CAMTA1: variants seen among roughly 807,000 people sequenced by gnomAD.
The protein encoded by CAMTA1 is calmodulin-binding transcription activator 1.
CAMTA1 carries 27 observed loss-of-function variants against 170.9 expected under a neutral mutation model. That is an observed-to-expected ratio of 0.16 (90% CI 0.12 to 0.22). The LOEUF (loss-of-function observed/expected upper bound fraction) is 0.22, where lower values mean the gene tolerates loss of function less well. Ranked by LOEUF, CAMTA1 falls within the 10% of genes least tolerant of loss-of-function variation. The pLI is 1.00. For missense variants in CAMTA1, 1,619 were observed against 2,217.2 expected (o/e 0.73, Z 5.42); for synonymous variants, 833 against 891.5 (o/e 0.93, Z 1.17).
chr1:6,807,742 T>A (rs1413064683), intron 1 of CAMTA1, among the ~76,000 whole-genome samples: 1 of 151,898 alleles, frequency 6.6e-6, no homozygotes, highest in African/African-American at 2.4e-5. Flanking sequence ...AAAAAATTAT[T>A]TCTTTGTGAC....
At chr1:7,373,834 A>C (rs1574985308) in intron 5 of CAMTA1, among the ~76,000 whole-genome samples, 1 of 152,286 alleles carries the variant, frequency 6.6e-6, no homozygotes, top group East Asian at 1.9e-4. Flanking sequence ...ACTGTTGATA[A>C]AAGGCAGCAT....
intron 4 of CAMTA1, among the ~76,000 whole-genome samples, chr1:7,118,338 G>A (rs1644456014): frequency 6.7e-6 from 1 of 148,220 alleles, no homozygotes; most frequent in Non-Finnish European, 1.5e-5. Flanking sequence ...TGCCACCCAG[G>A]CTGGAGTGCA....
intron 6 of CAMTA1, among the ~76,000 whole-genome samples, chr1:7,597,865 A>G (rs931971039): frequency 1.3e-5 from 2 of 151,974 alleles, no homozygotes; most frequent in African/African-American, 4.8e-5. Flanking sequence ...ATACATGTGC[A>G]GAATGTGCAG....
At chr1:7,527,151 C>T (rs2094441049) in intron 6 of CAMTA1, among the ~76,000 whole-genome samples, 1 of 152,172 alleles carries the variant, frequency 6.6e-6, no homozygotes, top group South Asian at 2.1e-4. Context: ...ACTGTAGCCA[C>T]CATGATCAGC....
At chr1:7,316,892 G>T (rs760962669) in intron 5 of CAMTA1, among the ~76,000 whole-genome samples, 1 of 152,218 alleles carries the variant, frequency 6.6e-6, no homozygotes, top group Non-Finnish European at 1.5e-5. Context: ...CCATACAAAT[G>T]GGGTACAGCA....
intron 11 of CAMTA1, among the ~76,000 whole-genome samples, chr1:7,699,126 C>T (rs1405122818): frequency 6.6e-6 from 1 of 152,212 alleles, no homozygotes; most frequent in African/African-American, 2.4e-5. Flanking sequence ...ATTATTGAGA[C>T]ATAATTAACA....
chr1:7,430,524 C>T (rs1436958047), intron 5 of CAMTA1, among the ~76,000 whole-genome samples: 1 of 151,686 alleles, frequency 6.6e-6, no homozygotes, highest in Non-Finnish European at 1.5e-5. Flanking sequence ...GGTGGTGAAC[C>T]TGCTGCCGAT....
At chr1:7,691,386 C>G (rs1303524102) in intron 11 of CAMTA1, among the ~76,000 whole-genome samples, 1 of 152,164 alleles carries the variant, frequency 6.6e-6, no homozygotes, top group Non-Finnish European at 1.5e-5. Context: ...AGGAAAGCCA[C>G]TGAGGGCTCG....
intron 3 of CAMTA1, among the ~76,000 whole-genome samples, chr1:7,059,615 G>A (rs1707901597): frequency 6.6e-6 from 1 of 152,066 alleles, no homozygotes; most frequent in African/African-American, 2.4e-5. Context: ...GCAAGACCCT[G>A]TCTCAAAACA....
chr1:6,941,664 C>A (rs1164759069), intron 3 of CAMTA1, among the ~76,000 whole-genome samples: 1 of 152,190 alleles, frequency 6.6e-6, no homozygotes, highest in East Asian at 1.9e-4. Flanking sequence ...CCCTGACAGG[C>A]GAGGAAGCTC....
intron 5 of CAMTA1, among the ~76,000 whole-genome samples, chr1:7,439,016 G>T (rs1053525566): frequency 6.6e-6 from 1 of 152,222 alleles, no homozygotes; most frequent in Non-Finnish European, 1.5e-5. Context: ...AGCAGGGCTC[G>T]TGCTGGCTCT....
At chr1:6,852,310 G>A (rs1007496021) in intron 3 of CAMTA1, among the ~76,000 whole-genome samples, 3 of 152,098 alleles carry the variant, frequency 2.0e-5, no homozygotes, top group African/African-American at 7.2e-5. Context: ...TACCAAATGT[G>A]TAGGGTTTTT....
chr1:7,387,784 T>G (rs2088181403), intron 5 of CAMTA1, among the ~76,000 whole-genome samples: 1 of 152,252 alleles, frequency 6.6e-6, no homozygotes, highest in South Asian at 2.1e-4. Context: ...ACTCTGATCC[T>G]GGCAGAGTCC....
intron 6 of CAMTA1, among the ~76,000 whole-genome samples, chr1:7,473,487 G>A (rs918162027): frequency 6.6e-6 from 1 of 152,342 alleles, no homozygotes; most frequent in East Asian, 1.9e-4. Context: ...AGGCCCTAGA[G>A]AAGCCACTTC....
At chr1:7,447,724 C>G (rs568643782) in intron 5 of CAMTA1, among the ~76,000 whole-genome samples, 1 of 152,140 alleles carries the variant, frequency 6.6e-6, no homozygotes. Context: ...TTTCACTGGC[C>G]CTGGAAGCCT....
Position 6,797,996 on chromosome 1 carries a change from A to ATT in CAMTA1, c.45+12437_45+12438dup, listed in dbSNP as rs375770205. Among the ~76,000 whole-genome samples, 531 of 141,762 alleles carry ATT rather than the reference A, an allele frequency of 3.7e-3. 2 individuals carry two copies. The highest frequency in any genetic ancestry group is 5.0e-3 in the Non-Finnish European group (326 of 64,826). 93.0% of individuals were successfully genotyped at this position (141,762 alleles called of 152,430 possible). On this transcript the variant is annotated intron_variant, in intron 1 of 22. Coordinates refer to ENST00000303635, the MANE Select transcript of CAMTA1 (RefSeq NM_015215.4). The stretch of plus-strand genomic sequence containing the variant: ...TTTGCAAGTGATAATGAAGAAAGGA[A>ATT]TTTTTTTTTTTTTTTTTGAGACAAA...
chr1:7,369,361 G>A (rs1486686507), intron 5 of CAMTA1, among the ~76,000 whole-genome samples: 3 of 152,114 alleles, frequency 2.0e-5, no homozygotes, highest in African/African-American at 7.2e-5. Flanking sequence ...GAGTTTGAGG[G>A]GGTCATTCAC....
At chr1:7,718,844 C>T (rs982321970) in intron 11 of CAMTA1, among the ~76,000 whole-genome samples, 1 of 123,750 alleles carries the variant, frequency 8.1e-6, no homozygotes, top group Non-Finnish European at 1.6e-5. Flanking sequence ...GGCATGAGCC[C>T]GGTCAGCCCT....
In CAMTA1 at chr1:6,931,557, G is replaced by A. The variant is rs553931154; in HGVS notation, c.234+106347G>A. 1.6e-4 allele frequency among the ~76,000 whole-genome samples: 25 copies of A among 152,280 alleles called. No homozygotes were observed. In the South Asian group the frequency reaches 5.2e-3, roughly 32 times the overall value. ...ATCCTCTTCCTTCTGCTTCCTTGTT[G>A]ATCTCTGGGTACCTCCAAGTTCTGC... On this transcript the variant is annotated intron_variant, in intron 3 of 22. Transcript: ENST00000303635.
Sources: gnomAD v4.1 joint callset for allele counts (sites outside exome capture counted in the v4.1 genomes callset) on GRCh38, gnomAD v4.1.1 for gene constraint, MANE v1.5 for transcripts, NCBI Gene and HGNC (gene_info 2026-07-23, HGNC 2026-07-21) for gene names.